The following CLEC12A variants were observed in gnomAD, a reference collection of about 807,000 sequenced individuals.
CLEC12A encodes C-type lectin protein CLL-1.
Under a neutral mutation model 26.5 loss-of-function variants are expected in CLEC12A, and 22 were observed. The ratio of observed to expected loss-of-function variants is 0.83; its 90% CI spans 0.59 to 1.19. CLEC12A has a LOEUF of 1.19. Ranked by LOEUF, CLEC12A falls within the 50% of genes most tolerant of loss-of-function variation. The pLI is 0.00. For missense variants in CLEC12A, 353 were observed against 315.6 expected, an observed-to-expected ratio of 1.12 and a Z score of -0.90; for synonymous variants, 119 against 101.9, an observed-to-expected ratio of 1.17 and a Z score of -1.01.
At chr12:9,979,124 CA>C in intron 2 of CLEC12A, 60 bp downstream of exon 2, 1 of 1,385,214 alleles carries the variant, frequency 7.2e-7, no homozygotes, top group Non-Finnish European at 1.0e-6. Context: ...TATTTAGCAA[CA>C]AAAGTTTATT....
intron 4 of CLEC12A, among the ~76,000 whole-genome samples, chr12:9,994,582 C>T (rs1864985142): frequency 6.6e-6 from 1 of 152,036 alleles, no homozygotes. Context: ...CAATCAGTCC[C>T]TTTGCCTGGA....
At position 9,985,071 on chromosome 12, in the gene CLEC12A, T is replaced by C. The variant is rs1864722741; in HGVS notation, c.*45T>C. On this transcript the variant is annotated 3_prime_UTR_variant, in exon 6 of 6. Coordinates refer to ENST00000304361, the MANE Select transcript of CLEC12A (RefSeq NM_138337.6). The stretch of plus-strand genomic sequence containing the variant: ...TAAGGAGTGTAGGGGGTGGGGGTTC[T>C]AGGCTATAGGTAAATTTAAATATTT... 1 of 1,350,886 alleles carries C rather than the reference T, an allele frequency of 7.4e-7. No individual in the cohort carries two copies. Among genetic ancestry groups the C allele is most frequent in the Non-Finnish European group, 9.5e-7 (1 of 1,052,630 alleles). The allele number at this position is 1,350,886 out of a possible 1,614,324, so 83.7% of individuals were successfully genotyped here.
At chr12:9,965,507 A>G (rs2137115614) in intron 1 of CLEC12A, among the ~76,000 whole-genome samples, 1 of 151,174 alleles carries the variant, frequency 6.6e-6, no homozygotes, top group South Asian at 2.1e-4. Flanking sequence ...GTGAAAGTGA[A>G]GAGAGGCTGG....
At chr12:9,958,643 A>G (rs1309015514) in intron 1 of CLEC12A, among the ~76,000 whole-genome samples, 1 of 152,226 alleles carries the variant, frequency 6.6e-6, no homozygotes. Context: ...AGTTTTGCCT[A>G]GGACTTTCCT....
At chr12:9,971,258 C>T (rs564304684), upstream of CLEC12A, among the ~76,000 whole-genome samples, 2 of 152,278 alleles carry the variant, frequency 1.3e-5, no homozygotes, top group East Asian at 3.9e-4. Flanking sequence ...TCTTGCATGA[C>T]ACTGATGATG....
intron 3 of CLEC12A, among the ~76,000 whole-genome samples, chr12:9,980,055 A>G (rs994499322): frequency 6.6e-6 from 1 of 152,166 alleles, no homozygotes; most frequent in Admixed American, 6.6e-5. Flanking sequence ...AACAAAAATT[A>G]AAGAAGATAA....
intron 5 of CLEC12A, 53 bp downstream of exon 5, chr12:9,982,182 T>G: frequency 1.1e-6 from 1 of 932,436 alleles, no homozygotes; most frequent in Non-Finnish European, 1.8e-6. Context: ...TAGAGGTATT[T>G]TCCTTAGGAG....
intron 1 of CLEC12A, among the ~76,000 whole-genome samples, chr12:9,965,783 G>C (rs620518): frequency 1.3e-5 from 2 of 151,844 alleles, no homozygotes; most frequent in Non-Finnish European, 2.9e-5. Flanking sequence ...ATAATAGGCT[G>C]TAATCCTTTT....
chr12:9,996,449 T>C (rs905236036), downstream of CLEC12A, among the ~76,000 whole-genome samples: 3 of 152,204 alleles, frequency 2.0e-5, no homozygotes, highest in Non-Finnish European at 4.4e-5. Flanking sequence ...CTTATTTTGC[T>C]GGAGTGGAAA....
chr12:9,961,652 A>G (rs552938888), intron 1 of CLEC12A, among the ~76,000 whole-genome samples: 22 of 152,342 alleles, frequency 1.4e-4, no homozygotes, highest in Admixed American at 2.6e-4. Flanking sequence ...CCAGAAAAAA[A>G]GAAACAAAAC....
intron 1 of CLEC12A, among the ~76,000 whole-genome samples, chr12:9,966,323 GAC>G (rs1245381572): frequency 2.6e-5 from 4 of 152,226 alleles, no homozygotes; most frequent in Admixed American, 2.6e-4. Context: ...ATTGGGCAGT[GAC>G]AGTCTTCAGT....
At chr12:9,982,840 G>A (rs3903806) in intron 5 of CLEC12A, among the ~76,000 whole-genome samples, 38,456 of 151,816 alleles carry the variant, frequency 0.25, 5,554 homozygotes, top group Non-Finnish European at 0.31. Flanking sequence ...CACTTTTTAT[G>A]TGCATGTGTA....
chr12:9,952,258 G>A (rs911685286), intron 1 of CLEC12A, among the ~76,000 whole-genome samples: 1 of 147,606 alleles, frequency 6.8e-6, no homozygotes, highest in African/African-American at 2.5e-5. Context: ...CTGTACTGCT[G>A]CCATCTCGGC....
chr12:9,967,731 G>A (rs565911872), upstream of CLEC12A, among the ~76,000 whole-genome samples: 117 of 151,712 alleles, frequency 7.7e-4, no homozygotes, highest in Non-Finnish European at 1.2e-3. Context: ...GGAGAAAAGC[G>A]GTGGGGTTCT....
intron 1 of CLEC12A, among the ~76,000 whole-genome samples, chr12:9,962,632 G>A (rs537960519): frequency 6.6e-6 from 1 of 152,274 alleles, no homozygotes; most frequent in Admixed American, 6.5e-5. Flanking sequence ...GCGGACAGGA[G>A]TGGGGGCCAC....
At chr12:9,963,209 G>A (rs1003627477) in intron 1 of CLEC12A, among the ~76,000 whole-genome samples, 4 of 152,092 alleles carry the variant, frequency 2.6e-5, no homozygotes, top group African/African-American at 9.7e-5. Context: ...AGTGTCCAAG[G>A]GGGTTCAGCA....
chr12:9,964,026 T>C (rs1211591422), intron 1 of CLEC12A, among the ~76,000 whole-genome samples: 1 of 152,206 alleles, frequency 6.6e-6, no homozygotes, highest in Non-Finnish European at 1.5e-5. Flanking sequence ...AGTGAAAGGT[T>C]ACCCAGGGGA....
At chr12:9,976,768 C>A (rs1864353044) in intron 1 of CLEC12A, among the ~76,000 whole-genome samples, 1 of 152,054 alleles carries the variant, frequency 6.6e-6, no homozygotes, top group Non-Finnish European at 1.5e-5. Flanking sequence ...AATTATAGCT[C>A]CCACAATTTC....
intron 4 of CLEC12A, among the ~76,000 whole-genome samples, chr12:9,993,691 T>C (rs547680222): frequency 6.6e-6 from 1 of 152,206 alleles, no homozygotes; most frequent in East Asian, 1.9e-4. Flanking sequence ...CTGCACTAGA[T>C]GGGAATACGC....
Sources: gnomAD v4.1 joint callset for allele counts (sites outside exome capture counted in the v4.1 genomes callset) on GRCh38, gnomAD v4.1.1 for gene constraint, MANE v1.5 for transcripts, NCBI Gene and HGNC (gene_info 2026-07-23, HGNC 2026-07-21) for gene names.